The following ERCC4 variants were observed in gnomAD, a reference collection of about 807,000 sequenced individuals.
The protein encoded by ERCC4 is DNA repair endonuclease XPF.
A neutral mutation model predicts 76.9 loss-of-function variants in ERCC4; 65 were observed. That is an observed-to-expected ratio of 0.84 (90% confidence interval 0.69 to 1.04). ERCC4 has a LOEUF of 1.04. Among genes scored for constraint, ERCC4 ranks in the 50% least tolerant of loss-of-function variants. The pLI, the probability that ERCC4 is intolerant of heterozygous loss-of-function variation, is 0.00. For synonymous variants in ERCC4, 463 were observed against 410.1 expected (o/e 1.13, Z -1.56); for missense variants, 1,214 against 1,128.2 (o/e 1.08, Z -1.09).
intron 1 of ERCC4, among the ~76,000 whole-genome samples, chr16:13,920,626 A>C (rs1384892454): frequency 1.3e-5 from 2 of 152,018 alleles, no homozygotes; most frequent in East Asian, 3.9e-4. Flanking sequence ...ACTGATAAGA[A>C]TTGGAGGGGC....
At chr16:13,943,749 A>G (rs1404002131) in intron 9 of ERCC4, among the ~76,000 whole-genome samples, 1 of 147,198 alleles carries the variant, frequency 6.8e-6, no homozygotes, top group African/African-American at 2.5e-5. Flanking sequence ...TTTTCTTCTC[A>G]TGTTTGCTTT....
At chr16:13,930,217 A>G (rs2032146907) in intron 4 of ERCC4, among the ~76,000 whole-genome samples, 1 of 152,090 alleles carries the variant, frequency 6.6e-6, no homozygotes, top group Non-Finnish European at 1.5e-5. Flanking sequence ...ATGTACCTTA[A>G]TTTGTTAGTA....
intron 10 of ERCC4, among the ~76,000 whole-genome samples, 158 bp from the exon 11 acceptor site, chr16:13,947,456 A>G (rs142716507): frequency 6.6e-6 from 1 of 152,378 alleles, no homozygotes; most frequent in East Asian, 1.9e-4. Context: ...CTTTATAAAC[A>G]AATCTTTTTG....
chr16:13,923,219 G>T (rs746342641), intron 2 of ERCC4, among the ~76,000 whole-genome samples: 43 of 152,112 alleles, frequency 2.8e-4, no homozygotes, highest in Non-Finnish European at 5.4e-4. Context: ...CAGTCATAGT[G>T]CTCACAACAC....
rs2032160691 is a variant in ERCC4 at position 13,930,909 on chromosome 16, A to T, written c.973+19A>T. 1.3e-6 allele frequency: 2 copies of T among 1,542,160 alleles called. No individual in the cohort carries two copies. Among genetic ancestry groups the T allele is most frequent in the African/African-American group, 2.7e-5 (2 of 73,410 alleles). ...AATTCAGGTGGGAGATTAAAATACT[A>T]ATAATATTCTAAGAGCTGATTTGAA... On this transcript the variant is annotated intron_variant, in intron 5 of 10. Transcript: ENST00000311895.
chr16:13,922,485 G>A, intron 2 of ERCC4: 1 of 753,536 alleles, frequency 1.3e-6, no homozygotes, highest in Non-Finnish European at 2.4e-6. Context: ...CATACATCTT[G>A]GGAAGCACAT....
At position 13,927,873 on chromosome 16, in the gene ERCC4, G is replaced by C. The variant is rs1182725326; in HGVS notation, c.585-155G>C. 13 of 649,188 alleles carry C rather than the reference G, an allele frequency of 2.0e-5. No homozygotes were observed. The East Asian group carries it at 3.6e-4, about 18-fold the overall frequency. 40.2% of individuals were successfully genotyped at this position (649,188 alleles called of 1,614,324 possible). A position where few individuals can be genotyped will look rare whatever the true frequency, so the allele number is the denominator to read the frequency against. On this transcript the variant is annotated intron_variant, in intron 3 of 10. Coordinates refer to ENST00000311895, the MANE Select transcript of ERCC4 (RefSeq NM_005236.3). ...GCTTCTATTCATTGAGGTTCAAAGT[G>C]TTTTTGAAAATGTTGTTGCTTTGCT...
In ERCC4 at chr16:13,947,875, A is replaced by G; in HGVS notation, c.2279A>G (p.Glu760Gly). Residue 760 changes from glutamate to glycine, a missense_variant, in exon 11 of 11, where the codon GAG becomes GGG. Transcript: ENST00000311895. ...TACAAGCGTCCCGTGCTTCTGATTG[A>G]GTTTGACCCTAGCAAGCCTTTCTCT... The part of the protein sequence containing the change: ...RYYKRPVLLI[E>G]FDPSKPFSLT... The G allele has an allele frequency of 6.2e-7, 1 of 1,614,112 alleles. No individual in the cohort carries two copies. The highest frequency in any genetic ancestry group is 8.5e-7 in the Non-Finnish European group (1 of 1,180,024).
intron 9 of ERCC4, among the ~76,000 whole-genome samples, chr16:13,938,203 C>T (rs2032343134): frequency 6.6e-6 from 1 of 152,182 alleles, no homozygotes; most frequent in African/African-American, 2.4e-5. Flanking sequence ...ATTAGTAAAT[C>T]TCCCTCCTCC....
At chr16:13,925,675 C>T (rs939607574) in intron 2 of ERCC4, among the ~76,000 whole-genome samples, 1 of 152,116 alleles carries the variant, frequency 6.6e-6, no homozygotes, top group Non-Finnish European at 1.5e-5. Context: ...CATGCAAGTA[C>T]CATTATGCCA....
In ERCC4 at chr16:13,952,249, A is replaced by T. The variant is rs2032640358; in HGVS notation, c.*3902A>T. On this transcript the variant is annotated 3_prime_UTR_variant, in exon 11 of 11. Transcript: ENST00000311895. Reference sequence around the variant, plus strand: ...AAATAACAATGCATAGTGAAAGGGCATATATTACCAGCAGTAATAATTCAA... The same window carrying T: ...AAATAACAATGCATAGTGAAAGGGCTTATATTACCAGCAGTAATAATTCAA... The T allele has an allele frequency of 5.3e-6, 1 of 187,556 alleles. No homozygotes were observed. Among genetic ancestry groups the T allele is most frequent in the Non-Finnish European group, 1.1e-5 (1 of 88,930 alleles). The allele number at this position is 187,556 out of a possible 1,614,324, so 11.6% of individuals were successfully genotyped here. A position where few individuals can be genotyped will look rare whatever the true frequency, so the allele number is the denominator to read the frequency against.
At chr16:13,924,884 A>G (rs558309516) in intron 2 of ERCC4, among the ~76,000 whole-genome samples, 1 of 152,324 alleles carries the variant, frequency 6.6e-6, no homozygotes, top group South Asian at 2.1e-4. Context: ...GTATGGGTAC[A>G]AAATGTCATA....
Position 13,951,470 on chromosome 16 carries a change from A to G in ERCC4, c.*3123A>G. ...TACTTTCTTAAAATTGTGCAAGAAGAAATCATTTTTAGTAGTGGTCATAAA... is the reference window on the plus strand; with the variant it reads ...TACTTTCTTAAAATTGTGCAAGAAGGAATCATTTTTAGTAGTGGTCATAAA... On this transcript the variant is annotated 3_prime_UTR_variant, in exon 11 of 11. Coordinates refer to ENST00000311895, the MANE Select transcript of ERCC4 (RefSeq NM_005236.3). The G allele has an allele frequency of 4.8e-6, 1 of 208,790 alleles. No homozygotes were observed. Among genetic ancestry groups the G allele is most frequent in the Non-Finnish European group, 9.7e-6 (1 of 102,630 alleles). 12.9% of individuals were successfully genotyped at this position (208,790 alleles called of 1,614,324 possible).
At position 13,945,580 on chromosome 16, in the gene ERCC4, AC is replaced by A. The variant is rs377117957; in HGVS notation, c.2017+747del. On this transcript the variant is annotated intron_variant, in intron 10 of 10. Transcript: ENST00000311895. ...TCAGAATTTAGTAGACTTTAGAATA[AC>A]CTCAGATGCTCATTAAAACTGTAGA... 2.1e-4 allele frequency among the ~76,000 whole-genome samples: 32 copies of A among 152,334 alleles called. 1 individual carries two copies. In the East Asian group the frequency reaches 3.7e-3, roughly 17 times the overall value.
chr16:13,946,122 C>G (rs2032508308), intron 10 of ERCC4, among the ~76,000 whole-genome samples: 1 of 152,224 alleles, frequency 6.6e-6, no homozygotes, highest in Non-Finnish European at 1.5e-5. Flanking sequence ...TCTTCATAGC[C>G]AGTAGCATAG....
At chr16:13,946,043 A>G (rs2032507280) in intron 10 of ERCC4, among the ~76,000 whole-genome samples, 2 of 152,116 alleles carry the variant, frequency 1.3e-5, no homozygotes, top group South Asian at 2.1e-4. Context: ...CTAGGGGAGA[A>G]TCCCTTTCCT....
At chr16:13,926,945 T>C in intron 3 of ERCC4, 189 bp downstream of exon 3, 1 of 581,492 alleles carries the variant, frequency 1.7e-6, no homozygotes, top group Non-Finnish European at 3.0e-6. Flanking sequence ...TTTGTGGTTT[T>C]ATTTAAGTCG....
intron 6 of ERCC4, chr16:13,933,130 G>A (rs2032215950): frequency 2.9e-6 from 1 of 344,410 alleles, no homozygotes. Flanking sequence ...CTACTTGAGA[G>A]GCTAAGGTGA....
rs746106147 is a variant in ERCC4, at chr16:13,930,715, C to G, written c.798C>G (p.Ile266Met). 9.9e-6 allele frequency: 16 copies of G among 1,612,390 alleles called. No individual in the cohort carries two copies. The East Asian group carries it at 3.3e-4, about 34-fold the overall frequency. ...NAIGKPFDKT[I>M]RHYLDPLWHQ... ...AAATTTTATTCTTGTTTTAGACAATCCGCCATTATCTGGATCCTTTGTGGC... is the reference window on the plus strand; with the variant it reads ...AAATTTTATTCTTGTTTTAGACAATGCGCCATTATCTGGATCCTTTGTGGC... The change falls in exon 5 of 11, where the codon ATC becomes ATG. Residue 266 changes from isoleucine to methionine, a missense_variant. Coordinates refer to ENST00000311895, the MANE Select transcript of ERCC4 (RefSeq NM_005236.3).
Sources: allele counts gnomAD v4.1 joint callset (sites outside exome capture counted in the v4.1 genomes callset), GRCh38; gene constraint gnomAD v4.1.1; transcripts MANE v1.5; gene names NCBI Gene and HGNC (gene_info 2026-07-23, HGNC 2026-07-21).